Variants in SRL observed in about 807,000 individuals in gnomAD.
SRL encodes sarcalumenin.
Under a neutral mutation model 39.5 loss-of-function variants are expected in SRL, and 23 were observed. The observed-to-expected ratio is 0.58, with a 90% CI of 0.42 to 0.82. SRL has a LOEUF of 0.82. Ranked by LOEUF, SRL falls within the 40% of genes least tolerant of loss-of-function variation. SRL has a pLI of 0.00. For synonymous variants in SRL, 272 were observed against 237.4 expected, an observed-to-expected ratio of 1.15 and a Z score of -1.34; for missense variants, 592 against 607.8, an observed-to-expected ratio of 0.97 and a Z score of 0.27.
intron 1 of SRL, chr16:4,239,544 C>G (rs1022217605): frequency 6.6e-6 from 1 of 152,370 alleles, no homozygotes; most frequent in African/African-American, 2.4e-5. Flanking sequence ...TCCAGGGAAA[C>G]CAAAAGCATA....
At chr16:4,230,287 C>A (rs927644379) in intron 1 of SRL, among the ~76,000 whole-genome samples, 1 of 152,136 alleles carries the variant, frequency 6.6e-6, no homozygotes, top group Admixed American at 6.5e-5. Flanking sequence ...AAACAGGTAC[C>A]CCCTCCACCC....
chr16:4,233,578 A>T (rs114186816), intron 1 of SRL, among the ~76,000 whole-genome samples: 1,603 of 149,028 alleles, frequency 0.011, 30 homozygotes, highest in African/African-American at 0.038. Context: ...TGTTAGTTAC[A>T]TTTTTTTTTC....
intron 1 of SRL, among the ~76,000 whole-genome samples, chr16:4,214,871 G>A (rs1009268666): frequency 2.0e-5 from 3 of 151,728 alleles, no homozygotes; most frequent in East Asian, 1.9e-4. Context: ...GGGTTCAAGC[G>A]ATTCTCCTGC....
In SRL at chr16:4,204,536, A is replaced by G. The variant is rs2052290915; in HGVS notation, c.160T>C (p.Ser54Pro). Residue 54 changes from serine to proline, a missense_variant, in exon 2 of 6, where the codon TCT (serine) becomes CCT (proline). Transcript: ENST00000399609. ...CATATCTCCCTCCCCTGGTTACCAGAGTAGTCATCGGATGGCTTGTCCTCA... is the reference window on the plus strand; with the variant it reads ...CATATCTCCCTCCCCTGGTTACCAGGGTAGTCATCGGATGGCTTGTCCTCA... ...LNEDKPSDDY[S>P]AVLQRLRKIY... The G allele has an allele frequency of 2.0e-6, 3 of 1,535,534 alleles. No homozygotes were observed. Among genetic ancestry groups the G allele is most frequent in the South Asian group, 1.1e-5 (1 of 88,728 alleles).
At chr16:4,193,402 T>C (rs1360051861) in intron 5 of SRL, among the ~76,000 whole-genome samples, 2 of 152,190 alleles carry the variant, frequency 1.3e-5, no homozygotes, top group Admixed American at 6.5e-5. Flanking sequence ...AAAATGGAGA[T>C]TGTCCTATTG....
intron 5 of SRL, among the ~76,000 whole-genome samples, chr16:4,194,330 C>G (rs1024938590): frequency 6.6e-6 from 1 of 152,224 alleles, no homozygotes; most frequent in Non-Finnish European, 1.5e-5. Context: ...CCCTTCCCCC[C>G]AGCCCCTGGT....
rs76101658 is a variant in SRL at position 4,203,124 on chromosome 16, G to A, written c.259+42C>T. ...GTGGCCCCGCCGACAGGCCTGCGCC[G>A]TACCCGTAATCTCAAGCCCTACCTG... On this transcript the variant is annotated intron_variant, in intron 3 of 5. Coordinates refer to ENST00000399609, the MANE Select transcript of SRL (RefSeq NM_001098814.2). 2,148 of 1,571,550 alleles carry A rather than the reference G, an allele frequency of 1.4e-3. 19 individuals carry two copies. The African/African-American group carries it at 0.025, about 18-fold the overall frequency.
chr16:4,197,282 C>G (rs182642517), intron 4 of SRL, among the ~76,000 whole-genome samples: 11 of 151,728 alleles, frequency 7.2e-5, no homozygotes, highest in African/African-American at 2.7e-4. Context: ...GTTGGCCAGG[C>G]TGGTCTCGAA....
intron 3 of SRL, among the ~76,000 whole-genome samples, chr16:4,198,806 C>G (rs554662831): frequency 6.6e-6 from 1 of 152,288 alleles, no homozygotes; most frequent in South Asian, 2.1e-4. Flanking sequence ...TGCCAGTGCC[C>G]AAAACCAAAC....
chr16:4,206,647 C>A (rs1018483659), intron 1 of SRL: 5 of 456,050 alleles, frequency 1.1e-5, no homozygotes, highest in African/African-American at 2.0e-5. Flanking sequence ...TCTGTCCCTG[C>A]CTGTCCCCTA....
intron 1 of SRL, among the ~76,000 whole-genome samples, chr16:4,228,528 G>A (rs979833084): frequency 2.0e-5 from 3 of 151,986 alleles, no homozygotes; most frequent in East Asian, 1.9e-4. Context: ...TAGGTCAGGA[G>A]ATCGAGACCA....
intron 1 of SRL, among the ~76,000 whole-genome samples, chr16:4,240,551 A>G (rs1458737032): frequency 6.6e-6 from 1 of 152,166 alleles, no homozygotes; most frequent in South Asian, 2.1e-4. Context: ...GGACCCAGGA[A>G]GGAAAGACAG....
At chr16:4,223,976 C>A (rs1177577186) in intron 1 of SRL, among the ~76,000 whole-genome samples, 1 of 152,118 alleles carries the variant, frequency 6.6e-6, no homozygotes, top group African/African-American at 2.4e-5. Context: ...CTGCTCCCTG[C>A]CCGATAATAT....
At chr16:4,206,592 C>T in intron 1 of SRL, 2 of 421,902 alleles carry the variant, frequency 4.7e-6, no homozygotes, top group Non-Finnish European at 9.6e-6. Context: ...GAAGCCACCT[C>T]CCCGGGCCGG....
At chr16:4,227,314 T>G (rs1473984723) in intron 1 of SRL, among the ~76,000 whole-genome samples, 2 of 147,850 alleles carry the variant, frequency 1.4e-5, no homozygotes, top group Non-Finnish European at 3.0e-5. Context: ...GATGGATGGG[T>G]GGATGCATGG....
intron 1 of SRL, among the ~76,000 whole-genome samples, chr16:4,218,431 CACTGGGAGTAAG>C (rs1323150580): frequency 1.3e-5 from 2 of 152,156 alleles, no homozygotes; most frequent in Non-Finnish European, 2.9e-5. Flanking sequence ...GGTAAGTGAG[CACTGGGAGTAAG>C]ACAATCAGCC....
At position 4,204,558 on chromosome 16, in the gene SRL, C is replaced by G. The variant is rs566476602; in HGVS notation, c.138G>C (p.Glu46Asp). The stretch of plus-strand genomic sequence containing the variant: ...CAGAGTAGTCATCGGATGGCTTGTC[C>G]TCATTCAGCATGAGGGTCTTCTCGA... ...SHIEKTLMLN[E>D]DKPSDDYSAV... The change falls in exon 2 of 6, where the codon GAG becomes GAC. Residue 46 changes from glutamate (E) to aspartate (D), a missense_variant. Coordinates refer to ENST00000399609, the MANE Select transcript of SRL (RefSeq NM_001098814.2). 103 of 1,614,146 alleles carry G rather than the reference C, an allele frequency of 6.4e-5. No homozygotes were observed. In the South Asian group the frequency reaches 1.0e-3, roughly 16 times the overall value.
intron 1 of SRL, 81 bp downstream of exon 1, chr16:4,241,926 A>C: frequency 6.5e-7 from 1 of 1,529,048 alleles, no homozygotes; most frequent in Non-Finnish European, 9.0e-7. Context: ...CCGACCCCCT[A>C]CCCAACCCAT....
chr16:4,209,075 C>T (rs773542863), intron 1 of SRL, among the ~76,000 whole-genome samples: 1 of 152,130 alleles, frequency 6.6e-6, no homozygotes, highest in Non-Finnish European at 1.5e-5. Context: ...GAGTTTGAGA[C>T]CAGCCTGGCC....
Sources: allele counts gnomAD v4.1 joint callset (sites outside exome capture counted in the v4.1 genomes callset), GRCh38; gene constraint gnomAD v4.1.1; transcripts MANE v1.5; gene names NCBI Gene and HGNC (gene_info 2026-07-23, HGNC 2026-07-21).